THBS4: variants seen among roughly 807,000 people sequenced by gnomAD.
THBS4 encodes thrombospondin 4, also known as thrombospondin-4.
THBS4 carries 90 observed loss-of-function variants against 115.7 expected under a neutral mutation model. The observed-to-expected ratio is 0.78, with a 90% CI of 0.66 to 0.93. The LOEUF is 0.93. THBS4 is among the 40% of genes least tolerant of loss of function. The probability of loss-of-function intolerance (pLI) is 0.00; values close to 1 mark genes in which losing one functional copy is unlikely to be tolerated. For synonymous variants in THBS4, 460 were observed against 479.3 expected (o/e 0.96, Z 0.53); for missense variants, 1,087 against 1,232.7 (o/e 0.88, Z 1.77).
intron 2 of THBS4, among the ~76,000 whole-genome samples, chr5:80,044,747 T>A (rs1469259075): frequency 6.6e-6 from 1 of 151,886 alleles, no homozygotes. Flanking sequence ...TTTTTTTTAA[T>A]GAATAAATAT....
intron 2 of THBS4, among the ~76,000 whole-genome samples, chr5:80,011,233 C>T (rs1323100725): frequency 1.3e-5 from 2 of 152,194 alleles, no homozygotes; most frequent in African/African-American, 4.8e-5. Flanking sequence ...GCTTCCCCAG[C>T]CACGTGGAAC....
At chr5:80,007,461 C>G (rs1343067801) in intron 2 of THBS4, among the ~76,000 whole-genome samples, 1 of 152,200 alleles carries the variant, frequency 6.6e-6, no homozygotes, top group Admixed American at 6.5e-5. Context: ...TCCTGGAATT[C>G]GTCTGCCCCA....
intron 17 of THBS4, 73 bp from the exon 18 acceptor site, chr5:80,078,848 T>G: frequency 6.1e-6 from 9 of 1,482,544 alleles, no homozygotes; most frequent in Non-Finnish European, 8.3e-6. Flanking sequence ...ATATGGTGCC[T>G]GAGGTTTTGA....
At chr5:80,010,909 C>T (rs891764546) in intron 2 of THBS4, among the ~76,000 whole-genome samples, 7 of 152,208 alleles carry the variant, frequency 4.6e-5, no homozygotes, top group African/African-American at 1.7e-4. Flanking sequence ...AGCCAGTAGC[C>T]TTGCAGTTGG....
intron 20 of THBS4, among the ~76,000 whole-genome samples, chr5:80,080,832 G>A (rs939613903): frequency 2.0e-5 from 3 of 151,836 alleles, no homozygotes; most frequent in Admixed American, 1.3e-4. Flanking sequence ...TGATCCACCC[G>A]CCTCGGCCTC....
At chr5:80,009,830 T>A (rs1832087743) in intron 2 of THBS4, among the ~76,000 whole-genome samples, 2 of 152,170 alleles carry the variant, frequency 1.3e-5, no homozygotes, top group African/African-American at 4.8e-5. Context: ...TATTGTTTTT[T>A]AAAAAAAGTT....
intron 1 of THBS4, among the ~76,000 whole-genome samples, chr5:79,992,341 A>G (rs905054247): frequency 3.3e-5 from 5 of 152,182 alleles, no homozygotes; most frequent in African/African-American, 7.2e-5. Context: ...TCTTTCCTCT[A>G]TTCCACTGAG....
chr5:79,991,360 A>G (rs1308800581), exon 1 of THBS4: 2 of 862,964 alleles, frequency 2.3e-6, no homozygotes, highest in Non-Finnish European at 3.5e-6. Flanking sequence ...AGATGAGAGA[A>G]ACAACGACTG....
intron 1 of THBS4, among the ~76,000 whole-genome samples, chr5:80,038,678 T>G (rs983392445): frequency 6.6e-6 from 1 of 152,192 alleles, no homozygotes; most frequent in African/African-American, 2.4e-5. Flanking sequence ...CTTTCCTAAA[T>G]AGAAATTCTA....
rs749262889 is a variant in THBS4, at chr5:80,072,411, G to A, written c.1839+15G>A. On this transcript the variant is annotated intron_variant, in intron 14 of 21. Transcript: ENST00000350881. The stretch of plus-strand genomic sequence containing the variant: ...ACCCTAACCAGGTTAGTAGGATACT[G>A]GGGAATTCAAACTCCAGGCTGAATT... The A allele has an allele frequency of 1.9e-6, 3 of 1,605,546 alleles. No homozygotes were observed. In the East Asian group the frequency reaches 6.7e-5, roughly 36 times the overall value.
At chr5:79,992,594 T>C (rs186884244) in intron 1 of THBS4, among the ~76,000 whole-genome samples, 26 of 152,242 alleles carry the variant, frequency 1.7e-4, no homozygotes, top group African/African-American at 5.8e-4. Flanking sequence ...GCATAACATA[T>C]GTACCATTAA....
chr5:80,082,520 G>T lies in THBS4; in HGVS notation c.2799G>T (p.Trp933Cys). The T allele has an allele frequency of 6.2e-7, 1 of 1,614,128 alleles. No homozygotes were observed. Among genetic ancestry groups the T allele is most frequent in the Non-Finnish European group, 8.5e-7 (1 of 1,180,044 alleles). The part of the protein sequence containing the change: ...VFCFSQENII[W>C]SNLKYRCNDT... The stretch of plus-strand genomic sequence containing the variant: ...GCTTCTCTCAAGAAAACATCATCTG[G>T]TCCAACCTCAAGTATCGCTGCAATG... Residue 933 changes from tryptophan to cysteine, a missense_variant, in exon 21 of 22, where the codon TGG becomes TGT. By Grantham distance (215) the Trp-to-Cys change is radical. Transcript: ENST00000350881.
rs373070755 is a variant in THBS4, at chr5:80,070,745, G to A, written c.1555G>A (p.Glu519Lys). 53 of 1,614,054 alleles carry A rather than the reference G, an allele frequency of 3.3e-5. No individual in the cohort carries two copies. The highest frequency in any genetic ancestry group is 4.2e-5 in the Non-Finnish European group (50 of 1,179,998). ...EDADGDGILN[E>K]QDNCVLIHNV... Reference sequence around the variant, plus strand: ...TGCTGACGGAGATGGGATCCTGAATGAGCAGGTACCTGCTTCGCTGGGAGG... The same window carrying A: ...TGCTGACGGAGATGGGATCCTGAATAAGCAGGTACCTGCTTCGCTGGGAGG... The change falls in exon 12 of 22, where the codon GAG becomes AAG. Residue 519 changes from glutamate (E) to lysine (K), a missense_variant. By Grantham distance (56) the Glu-to-Lys change is moderately conservative. This residue lies in a region of THBS4 where 979 missense variants were observed against 1,103.7 expected (regional missense o/e 0.89). Transcript: ENST00000350881.
chr5:80,035,622 C>G lies in THBS4; in HGVS notation c.85C>G (p.Gln29Glu). The G allele has an allele frequency of 7.3e-7, 1 of 1,377,762 alleles. No individual in the cohort carries two copies. The highest frequency in any genetic ancestry group is 3.0e-5 in the East Asian group (1 of 33,622). 85.3% of individuals were successfully genotyped at this position (1,377,762 alleles called of 1,614,324 possible). ...AGCGGCAGGCGCCCAGGCCACCCCC[C>G]AGGGTAAGTGGGTTCGGGTCGGGCC... is the stretch of plus-strand genomic sequence containing the variant. The part of the protein sequence containing the change: ...WLAAGAQATP[Q>E]VFDLLPSSSQ... The change falls in exon 1 of 22, where the codon CAG becomes GAG. Residue 29 changes from glutamine to glutamate, a missense_variant. Physicochemically the swap from Gln to Glu is conservative, Grantham distance 29. Around this residue, in one of 3 missense-constraint regions of THBS4, gnomAD observed 979 missense variants for 1,103.7 expected, o/e 0.89. Coordinates refer to ENST00000350881, the MANE Select transcript of THBS4 (RefSeq NM_003248.6). The surrounding 1 kb of genome is among the most constrained non-coding windows in gnomAD (Gnocchi z 4.6).
chr5:79,999,878 A>G (rs2151149282), intron 2 of THBS4, among the ~76,000 whole-genome samples: 1 of 152,350 alleles, frequency 6.6e-6, no homozygotes. Flanking sequence ...TTAGCAAACT[A>G]AAAGAAATTA....
intron 2 of THBS4, among the ~76,000 whole-genome samples, chr5:80,003,950 G>A (rs191696768): frequency 5.9e-4 from 90 of 152,314 alleles, no homozygotes; most frequent in South Asian, 2.1e-4. Context: ...TGAGCACAGC[G>A]AGGATCTGGT....
intron 2 of THBS4, among the ~76,000 whole-genome samples, chr5:80,028,870 C>G (rs1017430594): frequency 6.6e-6 from 1 of 152,030 alleles, no homozygotes; most frequent in Admixed American, 6.6e-5. Flanking sequence ...GTACCCCCCT[C>G]CCTGTTTTTT....
chr5:79,995,602 G>C (rs2151147343), intron 1 of THBS4, among the ~76,000 whole-genome samples: 1 of 152,244 alleles, frequency 6.6e-6, no homozygotes, highest in East Asian at 1.9e-4. Flanking sequence ...GAAGATGCTG[G>C]AGAGAAGAAG....
chr5:80,043,885 G>A (rs1832981108), intron 2 of THBS4, among the ~76,000 whole-genome samples: 1 of 152,042 alleles, frequency 6.6e-6, no homozygotes, highest in Admixed American at 6.6e-5. Context: ...CAAGGCATTC[G>A]GGGCTTCCAC....
Sources: allele counts gnomAD v4.1 joint callset (sites outside exome capture counted in the v4.1 genomes callset), GRCh38; gene constraint gnomAD v4.1.1; regional missense constraint gnomAD v4.1.1; non-coding constraint Gnocchi (gnomAD v3.1); transcripts MANE v1.5; gene names NCBI Gene and HGNC (gene_info 2026-07-23, HGNC 2026-07-21).